CDK12: variants seen among roughly 807,000 people sequenced by gnomAD.
CDK12 encodes cyclin-dependent kinase 12.
A neutral mutation model predicts 133.8 loss-of-function variants in CDK12; 17 were observed. That is an observed-to-expected ratio of 0.13 (90% confidence interval 0.09 to 0.19). The LOEUF is 0.19. Ranked by LOEUF, CDK12 falls within the 10% of genes least tolerant of loss-of-function variation. The pLI, the probability that CDK12 is intolerant of heterozygous loss-of-function variation, is 1.00. For missense variants in CDK12, 1,508 were observed against 1,818.7 expected, an observed-to-expected ratio of 0.83 and a Z score of 3.11; for synonymous variants, 694 against 683.6, an observed-to-expected ratio of 1.02 and a Z score of -0.24.
chr17:39,525,761 A>C, intron 12 of CDK12, 103 bp from the exon 13 acceptor site: 1 of 804,958 alleles, frequency 1.2e-6, no homozygotes, highest in Non-Finnish European at 2.0e-6. Context: ...TTAAAATGAA[A>C]TTTCATTTTT....
intron 1 of CDK12, among the ~76,000 whole-genome samples, chr17:39,541,430 C>T (rs1192904893): frequency 3.4e-5 from 5 of 148,126 alleles, no homozygotes; most frequent in African/African-American, 1.0e-4. Context: ...TGCAGTGGCG[C>T]GATCTCGGCT....
intron 3 of CDK12, among the ~76,000 whole-genome samples, chr17:39,559,297 C>T (rs778709709): frequency 2.0e-5 from 3 of 152,262 alleles, no homozygotes; most frequent in Admixed American, 6.5e-5. Context: ...GAATATTGAC[C>T]GTGATATAAC....
intron 2 of CDK12, among the ~76,000 whole-genome samples, chr17:39,483,315 A>T (rs916821690): frequency 2.7e-5 from 4 of 150,760 alleles, no homozygotes; most frequent in South Asian, 2.1e-4. Flanking sequence ...CCCATGCTGG[A>T]GTTCAGTGGC....
At chr17:39,543,575 A>T (rs1197335871), upstream of CDK12, among the ~76,000 whole-genome samples, 2 of 152,198 alleles carry the variant, frequency 1.3e-5, no homozygotes, top group African/African-American at 4.8e-5. Context: ...GGTACTGGGG[A>T]TCTGCAAAGT....
chr17:39,559,135 CATT>C (rs1488997337), intron 3 of CDK12, among the ~76,000 whole-genome samples: 1 of 152,172 alleles, frequency 6.6e-6, no homozygotes, highest in Non-Finnish European at 1.5e-5. Flanking sequence ...CTAAAAGAGA[CATT>C]AATAATCTAT....
intron 7 of CDK12, among the ~76,000 whole-genome samples, chr17:39,511,214 CAAA>C (rs59984042): frequency 0.025 from 1,895 of 74,842 alleles, 24 homozygotes; most frequent in Middle Eastern, 0.075. Flanking sequence ...GACACCGTCT[CAAA>C]AAAAAAAAAA....
chr17:39,561,263 T>C (rs916952057), intron 3 of CDK12, among the ~76,000 whole-genome samples: 1 of 152,200 alleles, frequency 6.6e-6, no homozygotes, highest in Non-Finnish European at 1.5e-5. Context: ...TTGAGACCTA[T>C]GATAAGTGAG....
intron 6 of CDK12, 43 bp downstream of exon 6, chr17:39,501,482 C>T (rs2146148946): frequency 3.6e-6 from 5 of 1,377,670 alleles, no homozygotes; most frequent in Non-Finnish European, 5.1e-6. Flanking sequence ...TCCTCTTCTC[C>T]TCTGACCTTT....
chr17:39,480,072 C>T (rs1045796952), intron 2 of CDK12, among the ~76,000 whole-genome samples: 1 of 151,744 alleles, frequency 6.6e-6, no homozygotes, highest in Admixed American at 6.6e-5. Flanking sequence ...TATAGGCCCC[C>T]GCCATCACGC....
At chr17:39,467,275 CG>C (rs2049411903) in intron 1 of CDK12, among the ~76,000 whole-genome samples, 1 of 152,012 alleles carries the variant, frequency 6.6e-6, no homozygotes. Flanking sequence ...CCATGCCCGG[CG>C]AAACAACCTA....
At position 39,530,775 on chromosome 17, in the gene CDK12, A is replaced by G; in HGVS notation, c.3932A>G (p.Glu1311Gly). 2 of 1,614,134 alleles carry G rather than the reference A, an allele frequency of 1.2e-6. No individual in the cohort carries two copies. The highest frequency in any genetic ancestry group is 1.7e-6 in the Non-Finnish European group (2 of 1,180,036). ...CAACTTTTATCCCAGCCTGAAGCAG[A>G]GCCTCCTGGCCACCTGCCACATGAG... ...LLQLLSQPEA[E>G]PPGHLPHEHQ... The change falls in exon 14 of 14, where the codon GAG becomes GGG. Residue 1311 changes from glutamate (E) to glycine (G), a missense_variant. Physicochemically the swap from Glu to Gly is moderately conservative, Grantham distance 98 (BLOSUM62 -2). Coordinates refer to ENST00000447079, the MANE Select transcript of CDK12 (RefSeq NM_016507.4).
intron 2 of CDK12, 57 bp downstream of exon 2, chr17:39,471,820 T>C: frequency 6.9e-7 from 1 of 1,439,690 alleles, no homozygotes; most frequent in Non-Finnish European, 9.5e-7. Context: ...AAGCATTTTC[T>C]GTTTTAATCT....
Position 39,561,022 on chromosome 17 carries a change from A to C in CDK12, n.485-3738A>C, listed in dbSNP as rs140877884. On this transcript the variant is annotated intron_variant and non_coding_transcript_variant, in intron 3 of 3. Coordinates refer to the CDK12 transcript ENST00000558240. ...CAGCAAGACTCTGTCTCAAAAAAAAACAAACAAAAAGCAGCAGTGTCATGG... is the reference window on the plus strand; with the variant it reads ...CAGCAAGACTCTGTCTCAAAAAAAACCAAACAAAAAGCAGCAGTGTCATGG... Among the ~76,000 whole-genome samples, 25 of 152,182 alleles carry C rather than the reference A, an allele frequency of 1.6e-4. No homozygotes were observed. The East Asian group carries it at 4.6e-3, about 28-fold the overall frequency.
intron 3 of CDK12, among the ~76,000 whole-genome samples, chr17:39,557,720 C>T (rs939708571): frequency 9.2e-5 from 14 of 152,176 alleles, no homozygotes; most frequent in African/African-American, 2.9e-4. Flanking sequence ...AGCACAGTTA[C>T]TTTTCCAGGC....
chr17:39,515,716 T>A lies in CDK12; in HGVS notation c.2769-15T>A, dbSNP rs2053760541. On this transcript the variant is annotated splice_polypyrimidine_tract_variant and intron_variant, in intron 8 of 13. Transcript: ENST00000447079. The stretch of plus-strand genomic sequence containing the variant: ...AAGAATTTCTCTTCTGACCTCTCAA[T>A]TTTACCTTTTCTAGATGTATTCTTG... 3 of 1,585,408 alleles carry A rather than the reference T, an allele frequency of 1.9e-6. No homozygotes were observed. The African/African-American group carries it at 4.0e-5, about 21-fold the overall frequency.
intron 9 of CDK12, 29 bp downstream of exon 9, chr17:39,515,837 C>T (rs1377899598): frequency 6.8e-7 from 1 of 1,480,624 alleles, no homozygotes; most frequent in South Asian, 1.2e-5. Flanking sequence ...TCTTGAGTGC[C>T]CAGGTGTGAT....
intron 2 of CDK12, among the ~76,000 whole-genome samples, chr17:39,483,268 C>CTT (rs879881959): frequency 4.9e-5 from 7 of 143,618 alleles, no homozygotes; most frequent in African/African-American, 1.8e-4. Context: ...TGTTTCTTTT[C>CTT]TTTTTTTTTT....
downstream of CDK12, among the ~76,000 whole-genome samples, chr17:39,535,390 T>A (rs2055086867): frequency 6.6e-6 from 1 of 152,206 alleles, no homozygotes. Context: ...CTAACCTGTT[T>A]TTGAATCCTC....
At chr17:39,494,715 T>A (rs1425026690) in intron 5 of CDK12, 21 bp downstream of exon 5, 1 of 1,526,138 alleles carries the variant, frequency 6.6e-7, no homozygotes, top group Non-Finnish European at 8.9e-7. Context: ...AGAATCACAT[T>A]TTTACAGGGT....
Sources: gnomAD v4.1 joint callset for allele counts (sites outside exome capture counted in the v4.1 genomes callset) on GRCh38, gnomAD v4.1.1 for gene constraint, MANE v1.5 for transcripts, NCBI Gene and HGNC (gene_info 2026-07-23, HGNC 2026-07-21) for gene names.